The following SPTBN4 variants were observed in gnomAD, a reference collection of about 807,000 sequenced individuals.
SPTBN4 encodes the protein spectrin beta, non-erythrocytic 4, also known as spectrin beta chain, non-erythrocytic 4.
SPTBN4 carries 96 observed loss-of-function variants against 277.8 expected under a neutral mutation model. The observed-to-expected ratio is 0.35, with a 90% CI of 0.29 to 0.41. The LOEUF (loss-of-function observed/expected upper bound fraction) is 0.41. Among genes scored for constraint, SPTBN4 ranks in the 10% least tolerant of loss-of-function variants. The probability of loss-of-function intolerance (pLI) is 1.00; values close to 1 mark genes in which losing one functional copy is unlikely to be tolerated. For missense variants in SPTBN4, 3,006 were observed against 3,595.7 expected (o/e 0.84, Z 4.19); for synonymous variants, 1,481 against 1,580.3 (o/e 0.94, Z 1.49).
chr19:40,564,106 G>A (rs371038531), intron 27 of SPTBN4, among the ~76,000 whole-genome samples: 2 of 150,810 alleles, frequency 1.3e-5, no homozygotes, highest in African/African-American at 2.4e-5. Context: ...TGTAATCCCT[G>A]CACTTTGGGA....
chr19:40,524,715 G>A (rs2080569909), intron 17 of SPTBN4: 2 of 435,242 alleles, frequency 4.6e-6, no homozygotes, highest in South Asian at 3.3e-5. Flanking sequence ...CCTGGCCCCA[G>A]CCACTCTAGG....
intron 15 of SPTBN4, among the ~76,000 whole-genome samples, chr19:40,517,481 A>G (rs2080474013): frequency 6.6e-6 from 1 of 152,052 alleles, no homozygotes; most frequent in Admixed American, 6.6e-5. Flanking sequence ...TTTTTTGTAC[A>G]GATGGGGTCT....
chr19:40,527,211 C>T (rs994131901), intron 17 of SPTBN4, among the ~76,000 whole-genome samples: 1 of 152,160 alleles, frequency 6.6e-6, no homozygotes, highest in South Asian at 2.1e-4. Flanking sequence ...CCGTTTTTCT[C>T]TCCCTCCATC....
chr19:40,510,641 C>T lies in SPTBN4; in HGVS notation c.1817-1965C>T, dbSNP rs532688893. Among the ~76,000 whole-genome samples the T allele has an allele frequency of 1.6e-3, 238 of 152,102 alleles. 1 individual carries two copies. Among genetic ancestry groups the T allele is most frequent in the Non-Finnish European group, 3.0e-3 (205 of 68,024 alleles). On this transcript the variant is annotated intron_variant, in intron 13 of 35. Coordinates refer to ENST00000598249, the MANE Select transcript of SPTBN4 (RefSeq NM_020971.3). ...ATTGTAACTATTATTCAGTTGGATACCTTGTGGTTTGAGTCAACATCAGCG... is the reference window on the plus strand; with the variant it reads ...ATTGTAACTATTATTCAGTTGGATATCTTGTGGTTTGAGTCAACATCAGCG...
intron 4 of SPTBN4, 32 bp from the exon 5 acceptor site, chr19:40,492,931 G>T (rs1599727273): frequency 1.2e-6 from 2 of 1,602,844 alleles, no homozygotes; most frequent in East Asian, 4.5e-5. Flanking sequence ...AAGCTCTCCA[G>T]GCCCTGGTAG....
At position 40,467,254 on chromosome 19, in the gene SPTBN4, G is replaced by C. The variant is rs2079834745; in HGVS notation, c.-67G>C. The C allele has an allele frequency of 6.6e-6, 1 of 152,086 alleles. No individual in the cohort carries two copies. Among genetic ancestry groups the C allele is most frequent in the Non-Finnish European group, 1.5e-5 (1 of 67,852 alleles). 9.4% of individuals were successfully genotyped at this position (152,086 alleles called of 1,614,324 possible). A position where few individuals can be genotyped will look rare whatever the true frequency, so the allele number is the denominator to read the frequency against. On this transcript the variant is annotated 5_prime_UTR_variant, in exon 1 of 36. Coordinates refer to ENST00000598249, the MANE Select transcript of SPTBN4 (RefSeq NM_020971.3). ...GGCAGCGGACGCCGACAGGGAGGGCGGTCGGTCGCGGCGAGCAGCGGAGAC... is the reference window on the plus strand; with the variant it reads ...GGCAGCGGACGCCGACAGGGAGGGCCGTCGGTCGCGGCGAGCAGCGGAGAC...
At chr19:40,573,434 T>C (rs915572094) in intron 35 of SPTBN4, among the ~76,000 whole-genome samples, 3 of 152,160 alleles carry the variant, frequency 2.0e-5, no homozygotes, top group Admixed American at 6.6e-5. Flanking sequence ...CCCAGAAAGG[T>C]TCCCAGGAGA....
At chr19:40,484,848 C>T (rs868724462) in intron 2 of SPTBN4, among the ~76,000 whole-genome samples, 62 of 151,868 alleles carry the variant, frequency 4.1e-4, no homozygotes, top group African/African-American at 1.4e-3. Context: ...AGAAGAATGG[C>T]GTGAACCCGG....
chr19:40,560,246 G>A lies in SPTBN4; in HGVS notation c.5758G>A (p.Val1920Met), dbSNP rs1190850486. 1.1e-5 allele frequency: 17 copies of A among 1,613,050 alleles called. No individual in the cohort carries two copies. Among genetic ancestry groups the A allele is most frequent in the Non-Finnish European group, 1.4e-5 (17 of 1,179,982 alleles). Reference sequence around the variant, plus strand: ...GGCCATCGCTAGCCGGGAGCAGGAGGTGCTGCAGGGTTGGAAAGAGCTGCT... The same window carrying A: ...GGCCATCGCTAGCCGGGAGCAGGAGATGCTGCAGGGTTGGAAAGAGCTGCT... ...AEAIASREQEVLQGWKELLSA... is the reference protein window; with the variant it reads ...AEAIASREQEMLQGWKELLSA... The change falls in exon 27 of 36, where the codon GTG (valine) becomes ATG (methionine). Residue 1920 changes from valine to methionine, a missense_variant. Val to Met is a conservative substitution (Grantham distance 21). Coordinates refer to ENST00000598249, the MANE Select transcript of SPTBN4 (RefSeq NM_020971.3). The surrounding 1 kb of genome is among the most constrained non-coding windows in gnomAD (Gnocchi z 5.2).
At position 40,557,331 on chromosome 19, in the gene SPTBN4, G is replaced by A. The variant is rs141434534; in HGVS notation, c.5598G>A (p.Pro1866=). ...RLPRLTTPPE[P]RPSASSMQRT... ...CCCGCCTGACCACCCCGCCTGAGCCGAGACCCAGTGCCAGTTCCATGCAGC... is the reference window on the plus strand; with the variant it reads ...CCCGCCTGACCACCCCGCCTGAGCCAAGACCCAGTGCCAGTTCCATGCAGC... Residue 1866 remains proline, a synonymous_variant, in exon 26 of 36, where the codon CCG becomes CCA. Transcript: ENST00000598249. The A allele has an allele frequency of 7.6e-5, 123 of 1,612,674 alleles. No individual in the cohort carries two copies. In the African/African-American group the frequency reaches 1.0e-3, roughly 13 times the overall value.
chr19:40,527,114 A>G (rs1221596463), intron 17 of SPTBN4, among the ~76,000 whole-genome samples: 1 of 152,106 alleles, frequency 6.6e-6, no homozygotes, highest in Non-Finnish European at 1.5e-5. Flanking sequence ...TGTCTCTGCA[A>G]CTGTCTCCTA....
Position 40,494,981 on chromosome 19 carries a change from C to G in SPTBN4, c.668+4C>G, listed in dbSNP as rs746747160. The G allele has an allele frequency of 1.9e-6, 3 of 1,614,052 alleles. No homozygotes were observed. Among genetic ancestry groups the G allele is most frequent in the Non-Finnish European group, 2.5e-6 (3 of 1,179,902 alleles). On this transcript the variant is annotated splice_donor_region_variant and intron_variant, in intron 6 of 35. Transcript: ENST00000598249. ...ATGCCCTCATTCACCGGCACAGGTA[C>G]CACCTGGCCTGGGACAGCCCAGTCC...
intron 1 of SPTBN4, among the ~76,000 whole-genome samples, chr19:40,467,972 A>G (rs2079845265): frequency 6.6e-6 from 1 of 152,202 alleles, no homozygotes; most frequent in African/African-American, 2.4e-5. Context: ...ATGAAGAATA[A>G]TAGCAAGGAA....
intron 20 of SPTBN4, among the ~76,000 whole-genome samples, chr19:40,539,356 A>G (rs2080773368): frequency 1.3e-5 from 2 of 152,224 alleles, no homozygotes; most frequent in Admixed American, 1.3e-4. Flanking sequence ...GGAGTGTGGG[A>G]AGCAGCAGAG....
Position 40,515,928 on chromosome 19 carries a change from TACAC to T in SPTBN4, c.2903+484_2903+487del, listed in dbSNP as rs199629873. 1.5e-5 allele frequency among the ~76,000 whole-genome samples: 2 copies of T among 129,702 alleles called. No individual in the cohort carries two copies. The highest frequency in any genetic ancestry group is 4.1e-4 in the East Asian group (2 of 4,890). 85.1% of individuals were successfully genotyped at this position (129,702 alleles called of 152,430 possible). ...ATATATATATACACACACATATATA[TACAC>T]ACATATATACGTATATATACACATA... is the stretch of plus-strand genomic sequence containing the variant. On this transcript the variant is annotated intron_variant, in intron 15 of 35. Transcript: ENST00000598249. This position sits in a 1 kb window ranked among gnomAD's most constrained non-coding sequence, Gnocchi z 4.1.
At chr19:40,566,447 A>G (rs2145952280) in intron 30 of SPTBN4, 88 bp downstream of exon 30, 2 of 1,252,884 alleles carry the variant, frequency 1.6e-6, no homozygotes, top group African/African-American at 1.5e-5. Flanking sequence ...ACACCGAGAC[A>G]TGGTGCTTGG....
intron 4 of SPTBN4, among the ~76,000 whole-genome samples, chr19:40,491,283 C>G (rs2080132592): frequency 6.6e-6 from 1 of 152,036 alleles, no homozygotes; most frequent in Non-Finnish European, 1.5e-5. Context: ...GGAGGAAGAG[C>G]AGAGTGGCTA....
chr19:40,569,864 A>G, intron 32 of SPTBN4, 138 bp downstream of exon 32: 1 of 773,064 alleles, frequency 1.3e-6, no homozygotes, highest in South Asian at 1.9e-5. Flanking sequence ...ATGGACTCTC[A>G]GGGTCCCCAG....
At chr19:40,492,372 A>G (rs1156984839) in intron 4 of SPTBN4, among the ~76,000 whole-genome samples, 2 of 151,986 alleles carry the variant, frequency 1.3e-5, no homozygotes, top group Non-Finnish European at 2.9e-5. Context: ...AGGACATTGG[A>G]GTTGGGGATG....
Sources: allele counts gnomAD v4.1 joint callset (sites outside exome capture counted in the v4.1 genomes callset), GRCh38; gene constraint gnomAD v4.1.1; non-coding constraint Gnocchi (gnomAD v3.1); transcripts MANE v1.5; gene names NCBI Gene and HGNC (gene_info 2026-07-23, HGNC 2026-07-21).